TRPM3: variants seen among roughly 807,000 people sequenced by gnomAD.
TRPM3 encodes the protein long transient receptor potential channel 3.
In TRPM3, 77 loss-of-function variants were observed where a neutral mutation model predicts 181.2. That is an observed-to-expected ratio of 0.42 (90% CI 0.35 to 0.51). The LOEUF (loss-of-function observed/expected upper bound fraction) is 0.51, where lower values mean the gene tolerates loss of function less well. Among genes scored for constraint, TRPM3 ranks in the 20% least tolerant of loss-of-function variants. The probability of loss-of-function intolerance (pLI) is 0.01; values close to 1 mark genes in which losing one functional copy is unlikely to be tolerated. For missense variants in TRPM3, 1,759 were observed against 2,196.7 expected, an observed-to-expected ratio of 0.80 and a Z score of 3.98; for synonymous variants, 745 against 796.4, an observed-to-expected ratio of 0.94 and a Z score of 1.09.
intron 1 of TRPM3, among the ~76,000 whole-genome samples, chr9:71,434,563 T>C (rs2094005052): frequency 6.6e-6 from 1 of 152,240 alleles, no homozygotes; most frequent in African/African-American, 2.4e-5. Flanking sequence ...TAGGGAAAAC[T>C]ATCTATTTAT....
intron 1 of TRPM3, among the ~76,000 whole-genome samples, chr9:70,910,788 CT>C (rs2096529826): frequency 6.6e-6 from 1 of 152,148 alleles, no homozygotes; most frequent in Non-Finnish European, 1.5e-5. Context: ...TATTTTCATC[CT>C]GCTTTAATTA....
intron 1 of TRPM3, among the ~76,000 whole-genome samples, chr9:71,217,515 T>C (rs2079967290): frequency 6.6e-6 from 1 of 152,222 alleles, no homozygotes; most frequent in Non-Finnish European, 1.5e-5. Flanking sequence ...CCAGAATTTC[T>C]GTCCATGGTA....
intron 1 of TRPM3, among the ~76,000 whole-genome samples, chr9:70,970,178 G>C (rs2097227492): frequency 6.6e-6 from 1 of 152,008 alleles, no homozygotes; most frequent in Non-Finnish European, 1.5e-5. Flanking sequence ...TCTACTTCAA[G>C]GTTATGAATT....
intron 1 of TRPM3, among the ~76,000 whole-genome samples, chr9:71,324,983 A>G (rs1196835407): frequency 6.6e-6 from 1 of 152,086 alleles, no homozygotes; most frequent in Non-Finnish European, 1.5e-5. Flanking sequence ...GAAGTGGTTT[A>G]AAGAGTACAA....
chr9:70,536,795 C>T lies in TRPM3; in HGVS notation c.4318G>A (p.Glu1440Lys), dbSNP rs374308045. 34 of 1,613,974 alleles carry T rather than the reference C, an allele frequency of 2.1e-5. 1 individual carries two copies. The South Asian group carries it at 2.3e-4, about 11-fold the overall frequency. The change falls in exon 26 of 26, where the codon GAG (glutamate) becomes AAG (lysine). Residue 1440 changes from glutamate to lysine, a missense_variant. Transcript: ENST00000677713. ...GGTACTGGAGTTGAAAAGCTTGGCTCGCCCAGCCCAAGGATGTTCACGGAA... is the reference window on the plus strand; with the variant it reads ...GGTACTGGAGTTGAAAAGCTTGGCTTGCCCAGCCCAAGGATGTTCACGGAA... ...DNSVNILGLG[E>K]PSFSTPVPST... is the part of the protein sequence containing the mutation.
At chr9:71,380,560 C>T (rs1441163508) in intron 1 of TRPM3, among the ~76,000 whole-genome samples, 1 of 152,074 alleles carries the variant, frequency 6.6e-6, no homozygotes, top group East Asian at 1.9e-4. Flanking sequence ...CCTCTCTAAC[C>T]TACTTCTTTT....
At chr9:70,982,962 G>A (rs927733461) in intron 1 of TRPM3, among the ~76,000 whole-genome samples, 1 of 152,032 alleles carries the variant, frequency 6.6e-6, no homozygotes, top group African/African-American at 2.4e-5. Flanking sequence ...GCCTCCCAAA[G>A]TGCTGGGACT....
intron 8 of TRPM3, among the ~76,000 whole-genome samples, chr9:70,695,447 C>G (rs1314719309): frequency 6.6e-6 from 1 of 152,212 alleles, no homozygotes; most frequent in Non-Finnish European, 1.5e-5. Flanking sequence ...TGGTCATGCT[C>G]TCTCTCCCTT....
intron 1 of TRPM3, among the ~76,000 whole-genome samples, chr9:70,909,889 A>G (rs2096520559): frequency 6.6e-6 from 1 of 152,226 alleles, no homozygotes; most frequent in African/African-American, 2.4e-5. Flanking sequence ...AGCTAAAAGT[A>G]AAAAGACTGA....
At chr9:71,070,949 A>G (rs1447855719) in intron 1 of TRPM3, among the ~76,000 whole-genome samples, 2 of 152,160 alleles carry the variant, frequency 1.3e-5, no homozygotes, top group African/African-American at 4.8e-5. Flanking sequence ...GGTTGTTACA[A>G]CCCTGTATTA....
At chr9:70,804,383 A>G (rs147391366) in intron 6 of TRPM3, among the ~76,000 whole-genome samples, 58 of 152,330 alleles carry the variant, frequency 3.8e-4, no homozygotes, top group Middle Eastern at 3.4e-3. Context: ...TTTATTGGAT[A>G]TACTATGTAA....
chr9:71,326,833 G>A (rs1187305947), intron 1 of TRPM3, among the ~76,000 whole-genome samples: 1 of 152,142 alleles, frequency 6.6e-6, no homozygotes, highest in Admixed American at 6.5e-5. Context: ...CTCTAACACA[G>A]CAGAGGAGAA....
At chr9:71,019,537 G>A (rs527652006) in intron 1 of TRPM3, among the ~76,000 whole-genome samples, 29 of 151,836 alleles carry the variant, frequency 1.9e-4, no homozygotes, top group Non-Finnish European at 3.7e-4. Flanking sequence ...AGCCATGGAA[G>A]TACCCAGAAA....
intron 25 of TRPM3, among the ~76,000 whole-genome samples, chr9:70,541,021 C>G: frequency 6.6e-6 from 1 of 152,308 alleles, no homozygotes; most frequent in Admixed American, 6.5e-5. Context: ...AGTCACTGCA[C>G]TCAGCATTGG....
At chr9:70,656,385 G>A (rs913187939) in intron 9 of TRPM3, among the ~76,000 whole-genome samples, 18 of 152,172 alleles carry the variant, frequency 1.2e-4, no homozygotes, top group African/African-American at 3.6e-4. Context: ...GGCTTTAGGC[G>A]GTCTAGTCCA....
rs561062383 is a variant in TRPM3 at position 70,756,664 on chromosome 9, G to T, written c.1272+4937C>A. On this transcript the variant is annotated intron_variant, in intron 8 of 25. Transcript: ENST00000677713. ...CTCAGACCACAGTGCAGTCAAATTA[G>T]AACTCAGGATTAAAGAACTCACTCA... Among the ~76,000 whole-genome samples, 31 of 152,258 alleles carry T rather than the reference G, an allele frequency of 2.0e-4. 1 individual carries two copies. The highest frequency in any genetic ancestry group is 7.2e-4 in the African/African-American group (30 of 41,562).
In TRPM3 at chr9:70,625,292, T is replaced by C; in HGVS notation, c.1708A>G (p.Ile570Val). The change falls in exon 14 of 26, where the codon ATC (isoleucine) becomes GTC (valine). Residue 570 changes from isoleucine to valine, a missense_variant. Ile to Val is a conservative substitution (Grantham distance 29). Coordinates refer to ENST00000677713, the MANE Select transcript of TRPM3 (RefSeq NM_001366145.2). This position sits in a 1 kb window ranked among gnomAD's most constrained non-coding sequence, Gnocchi z 4.8. ...PPDYRISLID[I>V]GLVIEYLMGG... ...ATCAGGTACTCGATCACCAGGCCGA[T>C]GTCAATCAGGCTGATTCTGTAGTCT... 6.2e-7 allele frequency: 1 copy of C among 1,614,178 alleles called. No homozygotes were observed. Among genetic ancestry groups the C allele is most frequent in the Non-Finnish European group, 8.5e-7 (1 of 1,180,022 alleles).
upstream of TRPM3, chr9:71,446,903 G>T: frequency 7.0e-7 from 1 of 1,418,502 alleles, no homozygotes. Context: ...CCTCGCCGCG[G>T]GTCTCCCTCC....
intron 1 of TRPM3, among the ~76,000 whole-genome samples, chr9:71,303,837 CTA>C (rs1240538785): frequency 6.6e-6 from 1 of 151,824 alleles, no homozygotes; most frequent in Non-Finnish European, 1.5e-5. Flanking sequence ...GAAAATAAAA[CTA>C]TGCTTTATGT....
Sources: gnomAD v4.1 joint callset for allele counts (sites outside exome capture counted in the v4.1 genomes callset) on GRCh38, gnomAD v4.1.1 for gene constraint, Gnocchi (gnomAD v3.1) non-coding constraint, MANE v1.5 for transcripts, NCBI Gene and HGNC (gene_info 2026-07-23, HGNC 2026-07-21) for gene names.